CAMK2D: variants seen among roughly 807,000 people sequenced by gnomAD.
CAMK2D encodes the protein calcium/calmodulin dependent protein kinase II delta.
In CAMK2D, 37 loss-of-function variants were observed where a neutral mutation model predicts 84.0. The observed-to-expected ratio is 0.44, with a 90% CI of 0.34 to 0.58. The LOEUF (loss-of-function observed/expected upper bound fraction) is 0.58. CAMK2D is among the 20% of genes least tolerant of loss of function. The pLI, the probability that CAMK2D is intolerant of heterozygous loss-of-function variation, is 0.02. For missense variants in CAMK2D, 448 were observed against 652.5 expected (o/e 0.69, Z 3.41); for synonymous variants, 202 against 212.5 (o/e 0.95, Z 0.43).
intron 2 of CAMK2D, among the ~76,000 whole-genome samples, chr4:113,735,525 C>T (rs1411415341): frequency 6.6e-6 from 1 of 151,954 alleles, no homozygotes; most frequent in Non-Finnish European, 1.5e-5. Context: ...CTATGTATAA[C>T]TTACAGAGAT....
chr4:113,759,393 T>C lies in CAMK2D; in HGVS notation c.87A>G (p.Arg29=). Residue 29 remains arginine, a synonymous_variant, in exon 2 of 21, where the codon AGA becomes AGG. Transcript: ENST00000511664. ...GTCCAGTAGGAATTTTCATACATCT[T>C]CTCACCACTGAGAATGCCCCCCTGG... is the stretch of plus-strand genomic sequence containing the variant. ...ELGKGAFSVV[R]RCMKIPTGQE... 1 of 1,606,302 alleles carries C rather than the reference T, an allele frequency of 6.2e-7. No homozygotes were observed. The highest frequency in any genetic ancestry group is 8.5e-7 in the Non-Finnish European group (1 of 1,175,468).
At chr4:113,632,998 T>G (rs1447611038) in intron 3 of CAMK2D, among the ~76,000 whole-genome samples, 1 of 152,210 alleles carries the variant, frequency 6.6e-6, no homozygotes, top group Non-Finnish European at 1.5e-5. Flanking sequence ...CTGCTTCAAA[T>G]GAAGGAATAG....
intron 16 of CAMK2D, among the ~76,000 whole-genome samples, chr4:113,487,053 A>C (rs2097772785): frequency 6.6e-6 from 1 of 152,190 alleles, no homozygotes; most frequent in Non-Finnish European, 1.5e-5. Flanking sequence ...CGGATGTGAA[A>C]AATAAAAATT....
intron 4 of CAMK2D, among the ~76,000 whole-genome samples, chr4:113,552,488 T>C (rs973142857): frequency 2.0e-5 from 3 of 152,214 alleles, no homozygotes; most frequent in Non-Finnish European, 2.9e-5. Flanking sequence ...ATGTATCCTT[T>C]TGCTATTTTT....
intron 18 of CAMK2D, among the ~76,000 whole-genome samples, chr4:113,457,980 G>C (rs920208825): frequency 6.6e-6 from 1 of 152,196 alleles, no homozygotes; most frequent in African/African-American, 2.4e-5. Flanking sequence ...GGATCTTGTG[G>C]TGGTGGTTGT....
At chr4:113,488,200 T>C (rs995039051) in intron 16 of CAMK2D, among the ~76,000 whole-genome samples, 10 of 152,104 alleles carry the variant, frequency 6.6e-5, no homozygotes, top group Non-Finnish European at 1.5e-4. Flanking sequence ...AAAAAATAGA[T>C]ACATGAACAA....
chr4:113,515,648 C>A (rs2098274555), intron 9 of CAMK2D, among the ~76,000 whole-genome samples: 2 of 152,118 alleles, frequency 1.3e-5, no homozygotes, highest in Admixed American at 1.3e-4. Context: ...TATACTTTCA[C>A]AACTCATAAG....
intron 2 of CAMK2D, among the ~76,000 whole-genome samples, chr4:113,732,522 T>A (rs1482647457): frequency 6.6e-6 from 1 of 152,218 alleles, no homozygotes; most frequent in African/African-American, 2.4e-5. Context: ...GTAAAACTTT[T>A]AAACAAATTT....
intron 2 of CAMK2D, among the ~76,000 whole-genome samples, chr4:113,670,492 C>A (rs1286163933): frequency 6.6e-6 from 1 of 151,338 alleles, no homozygotes; most frequent in Non-Finnish European, 1.5e-5. Flanking sequence ...AAAATTATTC[C>A]AATTATACTA....
intron 2 of CAMK2D, among the ~76,000 whole-genome samples, chr4:113,670,907 A>G (rs7678109): frequency 0.15 from 23,020 of 151,854 alleles, 2,018 homozygotes; most frequent in African/African-American, 0.24. Flanking sequence ...CAGCCTGGGC[A>G]ACAGAGCGAG....
chr4:113,456,955 A>G (rs755701483), intron 19 of CAMK2D: 2 of 185,534 alleles, frequency 1.1e-5, no homozygotes, highest in East Asian at 3.0e-4. Flanking sequence ...TCCTGATAAT[A>G]TATTGGCCAT....
At chr4:113,458,944 A>G (rs967947606) in intron 18 of CAMK2D, among the ~76,000 whole-genome samples, 2 of 152,202 alleles carry the variant, frequency 1.3e-5, no homozygotes, top group African/African-American at 4.8e-5. Context: ...AAGGAAAAAG[A>G]GAAGGATAAA....
intron 2 of CAMK2D, among the ~76,000 whole-genome samples, chr4:113,680,730 G>A (rs1162479972): frequency 6.6e-6 from 1 of 152,182 alleles, no homozygotes; most frequent in East Asian, 1.9e-4. Context: ...AACGTTCTTT[G>A]TGTTATGGAA....
At chr4:113,659,540 C>G (rs771853783) in intron 3 of CAMK2D, among the ~76,000 whole-genome samples, 1 of 152,100 alleles carries the variant, frequency 6.6e-6, no homozygotes, top group African/African-American at 2.4e-5. Flanking sequence ...GAAATGAGGA[C>G]GCAGACATTA....
intron 2 of CAMK2D, among the ~76,000 whole-genome samples, chr4:113,699,623 A>AT (rs2099412403): frequency 6.6e-6 from 1 of 152,184 alleles, no homozygotes; most frequent in African/African-American, 2.4e-5. Flanking sequence ...TTTATGGGGA[A>AT]TAAAAAACAG....
At chr4:113,606,334 G>T (rs182745942) in intron 4 of CAMK2D, among the ~76,000 whole-genome samples, 1 of 151,952 alleles carries the variant, frequency 6.6e-6, no homozygotes, top group Admixed American at 6.6e-5. Flanking sequence ...AGCCGGCATG[G>T]TGGCGCGCGC....
At chr4:113,683,923 A>G (rs956752757) in intron 2 of CAMK2D, among the ~76,000 whole-genome samples, 1 of 152,218 alleles carries the variant, frequency 6.6e-6, no homozygotes, top group Non-Finnish European at 1.5e-5. Flanking sequence ...CTGGGTTCAG[A>G]CTGACTTTAC....
intron 2 of CAMK2D, among the ~76,000 whole-genome samples, chr4:113,745,080 C>T (rs1379235747): frequency 6.6e-6 from 1 of 152,142 alleles, no homozygotes; most frequent in Admixed American, 6.5e-5. Flanking sequence ...ATAATCCAGG[C>T]CAATCCATCG....
intron 16 of CAMK2D, among the ~76,000 whole-genome samples, chr4:113,487,241 T>C (rs2097774322): frequency 1.3e-5 from 2 of 152,124 alleles, no homozygotes; most frequent in Non-Finnish European, 2.9e-5. Context: ...ATTTCTTAAA[T>C]ACTTTAGACC....
Sources: allele counts gnomAD v4.1 joint callset (sites outside exome capture counted in the v4.1 genomes callset), GRCh38; gene constraint gnomAD v4.1.1; transcripts MANE v1.5; gene names NCBI Gene and HGNC (gene_info 2026-07-23, HGNC 2026-07-21).